Variants in ITSN2 observed in about 807,000 individuals in gnomAD.
ITSN2 encodes intersectin 2, also known as intersectin-2.
ITSN2 carries 156 observed loss-of-function variants against 243.7 expected under a neutral mutation model. The ratio of observed to expected loss-of-function variants is 0.64; its 90% CI spans 0.56 to 0.73. The LOEUF is 0.73. Ranked by LOEUF, ITSN2 falls within the 30% of genes least tolerant of loss-of-function variation. The probability of loss-of-function intolerance (pLI) is 0.00; values close to 1 mark genes in which losing one functional copy is unlikely to be tolerated. For missense variants in ITSN2, 1,801 were observed against 1,996.1 expected (o/e 0.90, Z 1.86); for synonymous variants, 703 against 699.9 (o/e 1.00, Z -0.07).
intron 22 of ITSN2, among the ~76,000 whole-genome samples, chr2:24,258,645 T>C (rs1675379639): frequency 1.3e-5 from 2 of 152,222 alleles, no homozygotes; most frequent in Non-Finnish European, 2.9e-5. Flanking sequence ...TTATACCCTT[T>C]CATTTTCTAA....
chr2:24,250,232 TG>T (rs1673919633), intron 25 of ITSN2, among the ~76,000 whole-genome samples: 1 of 152,234 alleles, frequency 6.6e-6, no homozygotes, highest in South Asian at 2.1e-4. Flanking sequence ...AGGTTTTTCA[TG>T]GAACAACATT....
chr2:24,358,563 T>G (rs977889037), intron 1 of ITSN2, among the ~76,000 whole-genome samples: 2 of 152,148 alleles, frequency 1.3e-5, no homozygotes, highest in African/African-American at 4.8e-5. Context: ...AAGATGGAAA[T>G]TTGTGAAACT....
At chr2:24,286,400 CA>C in intron 15 of ITSN2, 49 bp from the exon 16 acceptor site, 1 of 1,516,640 alleles carries the variant, frequency 6.6e-7, no homozygotes. Context: ...GTTCGTATGT[CA>C]TTACCAGCAT....
chr2:24,233,388 G>C (rs1309018494), intron 29 of ITSN2, among the ~76,000 whole-genome samples: 2 of 152,048 alleles, frequency 1.3e-5, no homozygotes, highest in African/African-American at 4.8e-5. Context: ...CCCAGTGGCA[G>C]GTTCTTCGGT....
chr2:24,284,656 G>C, intron 17 of ITSN2, 107 bp downstream of exon 17: 1 of 706,896 alleles, frequency 1.4e-6, no homozygotes. Context: ...TATTGTATAT[G>C]TTATTTCAAA....
intron 8 of ITSN2, among the ~76,000 whole-genome samples, chr2:24,307,853 T>C (rs762282949): frequency 1.3e-5 from 2 of 152,206 alleles, no homozygotes; most frequent in Non-Finnish European, 2.9e-5. Flanking sequence ...TCAATCTCTG[T>C]CGAAATCCTA....
At chr2:24,230,284 T>C (rs924837386) in intron 29 of ITSN2, among the ~76,000 whole-genome samples, 11 of 152,198 alleles carry the variant, frequency 7.2e-5, no homozygotes, top group Admixed American at 7.2e-4. Flanking sequence ...GTGGGATCCC[T>C]CTTCACAATA....
chr2:24,317,187 C>A (rs550111133), intron 2 of ITSN2, among the ~76,000 whole-genome samples: 1 of 152,258 alleles, frequency 6.6e-6, no homozygotes, highest in African/African-American at 2.4e-5. Flanking sequence ...TCAAGACCAA[C>A]CTGGTCAACA....
chr2:24,343,045 C>T lies in ITSN2; in HGVS notation c.-33-14930G>A, dbSNP rs1020032998. Among the ~76,000 whole-genome samples the T allele has an allele frequency of 5.3e-5, 8 of 149,926 alleles. No individual in the cohort carries two copies. In the South Asian group the frequency reaches 1.3e-3, roughly 24 times the overall value. ...GATGGGGGTTGCAGTGAGTCAAGAT[C>T]GTGCCACTGTACTCCAGCCTGAGTA... On this transcript the variant is annotated intron_variant, in intron 1 of 39. Transcript: ENST00000355123.
At chr2:24,290,566 A>C (rs1397537818) in intron 15 of ITSN2, among the ~76,000 whole-genome samples, 1 of 152,178 alleles carries the variant, frequency 6.6e-6, no homozygotes, top group African/African-American at 2.4e-5. Flanking sequence ...CAAGATTATA[A>C]AATATTTTCC....
intron 29 of ITSN2, among the ~76,000 whole-genome samples, chr2:24,232,159 T>TG (rs1671691317): frequency 6.6e-6 from 1 of 152,224 alleles, no homozygotes; most frequent in Non-Finnish European, 1.5e-5. Context: ...CATGTCTTTT[T>TG]GAGGCCTGTC....
intron 1 of ITSN2, among the ~76,000 whole-genome samples, chr2:24,359,844 A>T (rs983477207): frequency 6.6e-6 from 1 of 152,154 alleles, no homozygotes; most frequent in African/African-American, 2.4e-5. Context: ...CTCACCTGAC[A>T]TTCGGCACCA....
At chr2:24,248,226 A>G (rs1269156776) in intron 27 of ITSN2, among the ~76,000 whole-genome samples, 1 of 152,078 alleles carries the variant, frequency 6.6e-6, no homozygotes, top group Non-Finnish European at 1.5e-5. Flanking sequence ...AAAACCTAAG[A>G]CCACTAGCGG....
At position 24,270,343 on chromosome 2, in the gene ITSN2, C is replaced by T. The variant is rs72793204; in HGVS notation, c.2355+328G>A. Among the ~76,000 whole-genome samples, 488 of 152,272 alleles carry T rather than the reference C, an allele frequency of 3.2e-3. 2 individuals are homozygous for T. Among genetic ancestry groups the T allele is most frequent in the Non-Finnish European group, 5.5e-3 (371 of 68,030 alleles). On this transcript the variant is annotated intron_variant, in intron 20 of 39. Coordinates refer to ENST00000355123, the MANE Select transcript of ITSN2 (RefSeq NM_006277.3). ...CAGTTAGGGCTGTGGAATCTAACTC[C>T]TTCAATTCTTTTAACAGTTGCTGTA...
chr2:24,236,864 T>TA (rs1040019781), intron 29 of ITSN2, among the ~76,000 whole-genome samples: 18 of 150,460 alleles, frequency 1.2e-4, no homozygotes, highest in South Asian at 6.3e-4. Context: ...ATCTTTTATT[T>TA]TTTATTTTTT....
At position 24,221,031 on chromosome 2, in the gene ITSN2, G is replaced by A. The variant is rs1311645548; in HGVS notation, c.3613C>T (p.Pro1205Ser). Reference protein sequence around the residue: ...ADLQTLDTMQPIERKRQGYIH... With the variant: ...ADLQTLDTMQSIERKRQGYIH... ...TAGCCCTGTCTTTTCCTCTCAATTGGCTGCATTGTGTCCAGGGTTTGCAGA... is the reference window on the plus strand; with the variant it reads ...TAGCCCTGTCTTTTCCTCTCAATTGACTGCATTGTGTCCAGGGTTTGCAGA... Residue 1205 changes from proline to serine, a missense_variant, in exon 30 of 40, where the codon CCA becomes TCA. Pro to Ser is a moderately conservative substitution (Grantham distance 74). Transcript: ENST00000355123. 3 of 1,608,630 alleles carry A rather than the reference G, an allele frequency of 1.9e-6. No individual in the cohort carries two copies. The highest frequency in any genetic ancestry group is 2.7e-5 in the African/African-American group (2 of 74,572).
Position 24,235,542 on chromosome 2 carries a change from T to C in ITSN2, c.3577+10587A>G, listed in dbSNP as rs1672066606. On this transcript the variant is annotated intron_variant, in intron 29 of 39. Transcript: ENST00000355123. ...AACAAATGTACTGCTCTGGTGGGGG[T>C]TGTTGTTAATGGGGGAGGCTATGCC... Among the ~76,000 whole-genome samples, 3 of 151,782 alleles carry C rather than the reference T, an allele frequency of 2.0e-5. No homozygotes were observed. In the South Asian group the frequency reaches 6.3e-4, roughly 32 times the overall value.
rs1168462071 is a variant in ITSN2, at chr2:24,218,015, T to A, written c.3700-2A>T. On this transcript the variant is annotated splice_acceptor_variant, in intron 30 of 39. Transcript: ENST00000355123. LOFTEE classifies it high-confidence loss of function. ...CTCTGCCATGCGTTTCTGAAAAACC[T>A]AAAGTCAAAACATAGAAAAACTAGT... 1.2e-6 allele frequency: 2 copies of A among 1,610,376 alleles called. No individual in the cohort carries two copies. The highest frequency in any genetic ancestry group is 1.7e-5 in the Admixed American group (1 of 60,004).
At chr2:24,279,752 A>G (rs1305505629) in intron 17 of ITSN2, among the ~76,000 whole-genome samples, 2 of 52,498 alleles carry the variant, frequency 3.8e-5, no homozygotes, top group African/African-American at 1.9e-4. Context: ...TTTTTTTTTG[A>G]GACGGAGTCT....
Sources: allele counts gnomAD v4.1 joint callset (sites outside exome capture counted in the v4.1 genomes callset), GRCh38; gene constraint gnomAD v4.1.1; transcripts MANE v1.5; gene names NCBI Gene and HGNC (gene_info 2026-07-23, HGNC 2026-07-21).